CDH20: variants seen among roughly 807,000 people sequenced by gnomAD.
CDH20 encodes the protein cadherin-20.
CDH20 carries 29 observed loss-of-function variants against 74.2 expected under a neutral mutation model. That is an observed-to-expected ratio of 0.39 (90% CI 0.29 to 0.53). The LOEUF is 0.53. Ranked by LOEUF, CDH20 falls within the 20% of genes least tolerant of loss-of-function variation. The pLI, the probability that CDH20 is intolerant of heterozygous loss-of-function variation, is 0.69. For synonymous variants in CDH20, 469 were observed against 405.4 expected (o/e 1.16, Z -1.88); for missense variants, 988 against 1,048.3 (o/e 0.94, Z 0.79).
intron 1 of CDH20, among the ~76,000 whole-genome samples, chr18:61,450,771 C>T (rs536531517): frequency 3.3e-5 from 5 of 152,148 alleles, no homozygotes; most frequent in East Asian, 1.9e-4. Context: ...AAGTGTACCA[C>T]GGCCATATTT....
intron 2 of CDH20, among the ~76,000 whole-genome samples, chr18:61,491,316 T>G (rs890417862): frequency 6.6e-6 from 1 of 152,240 alleles, no homozygotes; most frequent in Non-Finnish European, 1.5e-5. Flanking sequence ...AATGTTATAT[T>G]TGAATTCTCT....
chr18:61,425,069 CTCTCTCTCA>C, intron 1 of CDH20, among the ~76,000 whole-genome samples: 1 of 151,580 alleles, frequency 6.6e-6, no homozygotes. Context: ...CTCTCTCTCT[CTCTCTCTCA>C]CTCACTCCGG....
intron 1 of CDH20, among the ~76,000 whole-genome samples, chr18:61,476,240 C>T (rs1280973071): frequency 1.3e-5 from 2 of 152,244 alleles, no homozygotes; most frequent in South Asian, 2.1e-4. Context: ...CAACTGCCAT[C>T]CCCAAAGTCA....
chr18:61,404,449 T>G (rs1434245874), intron 1 of CDH20, among the ~76,000 whole-genome samples: 4 of 152,162 alleles, frequency 2.6e-5, no homozygotes, highest in African/African-American at 9.7e-5. Context: ...GGGAAAGTTT[T>G]CAGCCGATTT....
chr18:61,345,153 A>G (rs987965643), intron 1 of CDH20, among the ~76,000 whole-genome samples: 1 of 152,246 alleles, frequency 6.6e-6, no homozygotes. Flanking sequence ...ATATTGAGCA[A>G]AAGATTTAAA....
At chr18:61,497,683 C>A (rs1328862044) in intron 2 of CDH20, among the ~76,000 whole-genome samples, 1 of 152,124 alleles carries the variant, frequency 6.6e-6, no homozygotes, top group African/African-American at 2.4e-5. Context: ...TCCCAGTGAA[C>A]CTTCAGAATA....
chr18:61,453,840 T>C (rs896054641), intron 1 of CDH20, among the ~76,000 whole-genome samples: 5 of 152,192 alleles, frequency 3.3e-5, no homozygotes, highest in African/African-American at 9.6e-5. Context: ...AACTGTTGGA[T>C]GGTATGGCAG....
intron 1 of CDH20, among the ~76,000 whole-genome samples, chr18:61,449,189 T>C (rs1909299317): frequency 6.6e-6 from 1 of 152,142 alleles, no homozygotes; most frequent in East Asian, 1.9e-4. Flanking sequence ...CACAGAACAA[T>C]GTCTTTCGCT....
At chr18:61,339,589 C>G (rs1031639827) in intron 1 of CDH20, among the ~76,000 whole-genome samples, 1 of 151,684 alleles carries the variant, frequency 6.6e-6, no homozygotes, top group East Asian at 1.9e-4. Context: ...GACTAAATAA[C>G]TGCATGTCCT....
intron 1 of CDH20, among the ~76,000 whole-genome samples, chr18:61,456,480 C>A (rs1299512648): frequency 1.3e-5 from 2 of 152,072 alleles, no homozygotes; most frequent in Non-Finnish European, 2.9e-5. Flanking sequence ...AATAGAGCTG[C>A]TTTTATGTTT....
intron 1 of CDH20, among the ~76,000 whole-genome samples, chr18:61,419,787 A>G (rs1912816464): frequency 1.3e-5 from 2 of 152,250 alleles, no homozygotes; most frequent in Non-Finnish European, 2.9e-5. Flanking sequence ...TGTATTTCCA[A>G]TAACTGATTA....
chr18:61,392,324 G>C (rs940461030), intron 1 of CDH20, among the ~76,000 whole-genome samples: 1 of 152,064 alleles, frequency 6.6e-6, no homozygotes, highest in Non-Finnish European at 1.5e-5. Context: ...ATGTCCTCAG[G>C]GAAGTCTTCC....
chr18:61,501,590 A>G (rs1407526287), intron 4 of CDH20, among the ~76,000 whole-genome samples: 2 of 152,250 alleles, frequency 1.3e-5, no homozygotes, highest in African/African-American at 4.8e-5. Context: ...TTGAAAAAGA[A>G]AAAATACATT....
At chr18:61,444,482 A>C (rs1451613931) in intron 1 of CDH20, among the ~76,000 whole-genome samples, 2 of 152,202 alleles carry the variant, frequency 1.3e-5, no homozygotes, top group East Asian at 3.8e-4. Context: ...TTGTAAAAAC[A>C]GACTGAAGTT....
chr18:61,530,249 G>A (rs1160639657), intron 7 of CDH20, among the ~76,000 whole-genome samples: 1 of 152,114 alleles, frequency 6.6e-6, no homozygotes, highest in African/African-American at 2.4e-5. Flanking sequence ...AAGAACACTG[G>A]GGGTCCTAGA....
chr18:61,362,953 A>G (rs2144138235), intron 1 of CDH20, among the ~76,000 whole-genome samples: 1 of 152,292 alleles, frequency 6.6e-6, no homozygotes, highest in Middle Eastern at 3.4e-3. Context: ...TAACCTCCAC[A>G]GAAGATAAAG....
chr18:61,490,939 A>C, intron 2 of CDH20, 140 bp downstream of exon 2: 7 of 843,996 alleles, frequency 8.3e-6, no homozygotes, highest in South Asian at 3.3e-5. Context: ...CCTAGCTAAA[A>C]TGTAACTTCT....
At chr18:61,398,333 C>T (rs1271795759) in intron 1 of CDH20, among the ~76,000 whole-genome samples, 1 of 152,138 alleles carries the variant, frequency 6.6e-6, no homozygotes, top group Non-Finnish European at 1.5e-5. Flanking sequence ...CCAACAATTC[C>T]AGAACCTGAA....
intron 5 of CDH20, among the ~76,000 whole-genome samples, chr18:61,505,216 A>G (rs1911518781): frequency 6.6e-6 from 1 of 152,190 alleles, no homozygotes; most frequent in Admixed American, 6.5e-5. Context: ...CATAGCTCAA[A>G]GGTAGATGGA....
Sources: allele counts gnomAD v4.1 joint callset (sites outside exome capture counted in the v4.1 genomes callset), GRCh38; gene constraint gnomAD v4.1.1; transcripts MANE v1.5; gene names NCBI Gene and HGNC (gene_info 2026-07-23, HGNC 2026-07-21).